COL21A1: variants seen among roughly 807,000 people sequenced by gnomAD.
COL21A1 encodes the protein collagen type XXI alpha 1 chain.
COL21A1 carries 149 observed loss-of-function variants against 137.9 expected under a neutral mutation model. That is an observed-to-expected ratio of 1.08 (90% CI 0.95 to 1.24). The LOEUF is 1.24. COL21A1 is among the 50% of genes most tolerant of loss of function. The pLI, the probability that COL21A1 is intolerant of heterozygous loss-of-function variation, is 0.00. For synonymous variants in COL21A1, 456 were observed against 391.5 expected (o/e 1.16, Z -1.95); for missense variants, 1,167 against 1,158.4 (o/e 1.01, Z -0.11).
intron 16 of COL21A1, among the ~76,000 whole-genome samples, chr6:56,120,406 G>A (rs1348385933): frequency 6.6e-6 from 1 of 152,166 alleles, no homozygotes; most frequent in Admixed American, 6.5e-5. Context: ...AACAAATGCT[G>A]GTGAGGATGT....
chr6:56,243,297 A>G (rs1269702828), intron 1 of COL21A1, among the ~76,000 whole-genome samples: 2 of 152,218 alleles, frequency 1.3e-5, no homozygotes, highest in African/African-American at 2.4e-5. Flanking sequence ...AAGTGGGTTA[A>G]CCAGTGGGTT....
At chr6:56,172,244 A>C (rs2152274071) in intron 3 of COL21A1, among the ~76,000 whole-genome samples, 1 of 152,268 alleles carries the variant, frequency 6.6e-6, no homozygotes, top group South Asian at 2.1e-4. Context: ...AATCGTCAAA[A>C]GTTAAAGGCA....
chr6:56,200,216 C>T (rs1779290970), intron 1 of COL21A1, among the ~76,000 whole-genome samples: 1 of 152,118 alleles, frequency 6.6e-6, no homozygotes, highest in Admixed American at 6.6e-5. Flanking sequence ...TAGCATGATT[C>T]ACAAGCATTA....
intron 10 of COL21A1, among the ~76,000 whole-genome samples, chr6:56,154,831 T>C (rs1775616323): frequency 6.6e-6 from 1 of 152,104 alleles, no homozygotes; most frequent in Non-Finnish European, 1.5e-5. Context: ...TCACCTTAGC[T>C]CTCTGCATTT....
chr6:56,164,552 A>AT (rs1359151446), intron 8 of COL21A1, 46 bp from the exon 9 acceptor site: 3 of 1,314,814 alleles, frequency 2.3e-6, no homozygotes, highest in Non-Finnish European at 3.2e-6. Context: ...GGAAAGACAT[A>AT]TAAGTACATG....
chr6:56,227,888 T>G (rs72876079), intron 1 of COL21A1, among the ~76,000 whole-genome samples: 3 of 151,976 alleles, frequency 2.0e-5, no homozygotes, highest in Non-Finnish European at 4.4e-5. Flanking sequence ...AGGAAATGGG[T>G]ACATTCTCTG....
rs143744879 is a variant in COL21A1, at chr6:56,233,017, C to A, written c.-39+14370G>T. ...AAAAGTGCTCTGACAGAGGTAGGTGCCTTTCAGAGAAGGATATACTTTACA... is the reference window on the plus strand; with the variant it reads ...AAAAGTGCTCTGACAGAGGTAGGTGACTTTCAGAGAAGGATATACTTTACA... On this transcript the variant is annotated intron_variant, in intron 1 of 29. Transcript: ENST00000244728. Among the ~76,000 whole-genome samples the A allele has an allele frequency of 5.6e-3, 856 of 151,838 alleles. 9 individuals carry two copies. The highest frequency in any genetic ancestry group is 0.02 in the African/African-American group (815 of 41,468).
chr6:56,167,281 G>A (rs919034350), intron 6 of COL21A1, among the ~76,000 whole-genome samples: 8 of 151,956 alleles, frequency 5.3e-5, no homozygotes, highest in East Asian at 1.9e-4. Context: ...GCATTTTGTC[G>A]GACACTTAAA....
At chr6:56,345,801 T>G (rs1765584431) in intron 1 of COL21A1, among the ~76,000 whole-genome samples, 1 of 152,234 alleles carries the variant, frequency 6.6e-6, no homozygotes, top group Non-Finnish European at 1.5e-5. Flanking sequence ...CAAGAGAGAA[T>G]GAAGTTGTCA....
intron 3 of COL21A1, among the ~76,000 whole-genome samples, chr6:56,172,827 AC>A (rs1317104458): frequency 1.3e-5 from 2 of 152,176 alleles, no homozygotes; most frequent in African/African-American, 2.4e-5. Flanking sequence ...TTAATTTCAT[AC>A]CAACTTAAAA....
intron 1 of COL21A1, among the ~76,000 whole-genome samples, chr6:56,343,895 A>AT (rs1429455733): frequency 6.6e-6 from 1 of 152,176 alleles, no homozygotes; most frequent in African/African-American, 2.4e-5. Flanking sequence ...GTAGTGAGCC[A>AT]TAACTGTACG....
chr6:56,129,395 A>G (rs1487157818), intron 12 of COL21A1, among the ~76,000 whole-genome samples: 4 of 152,164 alleles, frequency 2.6e-5, no homozygotes, highest in African/African-American at 7.2e-5. Flanking sequence ...CAACACTCAG[A>G]GAGACTAGAG....
At chr6:56,342,898 G>A (rs1389119262) in intron 1 of COL21A1, among the ~76,000 whole-genome samples, 1 of 152,208 alleles carries the variant, frequency 6.6e-6, no homozygotes, top group African/African-American at 2.4e-5. Flanking sequence ...TGTTCAGCTA[G>A]AACTTTCCTG....
At chr6:56,075,761 T>G (rs1014721420) in intron 18 of COL21A1, among the ~76,000 whole-genome samples, 6 of 151,498 alleles carry the variant, frequency 4.0e-5, no homozygotes, top group African/African-American at 1.5e-4. Context: ...ACATTTGCCA[T>G]TCTTTCAAAG....
chr6:56,069,091 T>C lies in COL21A1; in HGVS notation c.2046A>G (p.Pro682=). 2 of 1,600,178 alleles carry C rather than the reference T, an allele frequency of 1.2e-6. No individual in the cohort carries two copies. The highest frequency in any genetic ancestry group is 1.7e-6 in the Non-Finnish European group (2 of 1,173,194). The change falls in exon 22 of 30, where the codon CCA becomes CCG. Residue 682 remains proline, a synonymous_variant. Coordinates refer to ENST00000244728, the MANE Select transcript of COL21A1 (RefSeq NM_030820.4). ...GTAAACCCATGTATCCTGGTTCTCC[T>C]GGGGAACCCGTTGCTCCTGGTTCTC... ...LKGEPGATGS[P]GEPGYMGLPG...
At chr6:56,123,650 T>C (rs1307943561) in intron 16 of COL21A1, among the ~76,000 whole-genome samples, 1 of 152,208 alleles carries the variant, frequency 6.6e-6, no homozygotes, top group Non-Finnish European at 1.5e-5. Flanking sequence ...CAATGAATTA[T>C]TGACACTTTG....
chr6:56,263,889 A>G (rs1763338387), intron 1 of COL21A1, among the ~76,000 whole-genome samples: 3 of 152,192 alleles, frequency 2.0e-5, no homozygotes, highest in African/African-American at 7.2e-5. Flanking sequence ...CACACAACAT[A>G]AAAAGACACC....
At chr6:56,321,824 C>T (rs1048173942) in intron 1 of COL21A1, among the ~76,000 whole-genome samples, 9 of 152,246 alleles carry the variant, frequency 5.9e-5, no homozygotes, top group African/African-American at 2.2e-4. Flanking sequence ...CCAAAGATCT[C>T]AACGTCACCC....
rs1296654488 is a variant in COL21A1, at chr6:56,061,637, G to A, written c.2205+12C>T. The A allele has an allele frequency of 6.4e-6, 10 of 1,573,180 alleles. No homozygotes were observed. Among genetic ancestry groups the A allele is most frequent in the African/African-American group, 1.4e-5 (1 of 74,072 alleles). ...AAGAGAGCAAGAGAGCATAATATATGAAGAAACATACCTCTCCTTTTGCAC... is the reference window on the plus strand; with the variant it reads ...AAGAGAGCAAGAGAGCATAATATATAAAGAAACATACCTCTCCTTTTGCAC... On this transcript the variant is annotated intron_variant, in intron 25 of 29. Coordinates refer to ENST00000244728, the MANE Select transcript of COL21A1 (RefSeq NM_030820.4).
Sources: allele counts gnomAD v4.1 joint callset (sites outside exome capture counted in the v4.1 genomes callset), GRCh38; gene constraint gnomAD v4.1.1; transcripts MANE v1.5; gene names NCBI Gene and HGNC (gene_info 2026-07-23, HGNC 2026-07-21).